SGCD: variants seen among roughly 807,000 people sequenced by gnomAD.
SGCD encodes delta-sarcoglycan.
Under a neutral mutation model 36.6 loss-of-function variants are expected in SGCD, and 18 were observed. That is an observed-to-expected ratio of 0.49 (90% CI 0.34 to 0.73). SGCD has a LOEUF of 0.73. SGCD is among the 30% of genes least tolerant of loss of function. SGCD has a pLI of 0.01. For synonymous variants in SGCD, 133 were observed against 130.6 expected (o/e 1.02, Z -0.12); for missense variants, 387 against 346.7 (o/e 1.12, Z -0.92).
At position 156,497,057 on chromosome 5, in the gene SGCD, G is replaced by A. The variant is rs145164734; in HGVS notation, c.193-11544G>A. On this transcript the variant is annotated intron_variant, in intron 3 of 8. Transcript: ENST00000337851. ...ATGAAGAGCATGAGCCTTAGAAAGC[G>A]TACCAGGAAGTGGTTGAAGCAGCAC... 3.7e-3 allele frequency among the ~76,000 whole-genome samples: 567 copies of A among 152,156 alleles called. 1 individual carries two copies. The highest frequency in any genetic ancestry group is 0.013 in the African/African-American group (519 of 41,514).
At chr5:156,131,940 A>G (rs972485549) in intron 3 of SGCD, among the ~76,000 whole-genome samples, 7 of 152,196 alleles carry the variant, frequency 4.6e-5, no homozygotes, top group Non-Finnish European at 1.0e-4. Context: ...TCTTTATTTT[A>G]TCTGTAGCTT....
At chr5:156,047,997 G>A (rs1051398761) in intron 1 of SGCD, among the ~76,000 whole-genome samples, 7 of 151,762 alleles carry the variant, frequency 4.6e-5, no homozygotes, top group East Asian at 1.9e-4. Context: ...AACAGGCCCC[G>A]GTGTGTGATG....
At chr5:156,590,748 C>T (rs1019630030) in intron 5 of SGCD, among the ~76,000 whole-genome samples, 1 of 135,598 alleles carries the variant, frequency 7.4e-6, no homozygotes, top group African/African-American at 2.5e-5. Context: ...CTCTTTTTTT[C>T]CCCCCACTCT....
At chr5:156,736,605 G>A (rs973234341) in intron 7 of SGCD, among the ~76,000 whole-genome samples, 2 of 152,088 alleles carry the variant, frequency 1.3e-5, no homozygotes, top group Non-Finnish European at 2.9e-5. Context: ...AGGCTACTTT[G>A]AAGCCAGATA....
At chr5:155,813,949 G>A in the SGCD span, among the ~76,000 whole-genome samples, 118 of 152,216 alleles carry the variant, frequency 7.8e-4, no homozygotes, top group Middle Eastern at 3.4e-3. Flanking sequence ...TCAGCCCTCC[G>A]GTAAACATTG....
In SGCD at chr5:156,365,033, G is replaced by C. The variant is rs142704993; in HGVS notation, c.192+20356G>C. ...CTGTACACTTCTACAATGGAGAGAA[G>C]TTTAAAAAGGGACTTCTGATTTAAA... On this transcript the variant is annotated intron_variant, in intron 3 of 8. Transcript: ENST00000337851. Among the ~76,000 whole-genome samples, 44 of 152,296 alleles carry C rather than the reference G, an allele frequency of 2.9e-4. 1 individual carries two copies. In the East Asian group the frequency reaches 5.6e-3, roughly 19 times the overall value.
chr5:156,725,808 C>T (rs1198146775), intron 7 of SGCD, among the ~76,000 whole-genome samples: 5 of 152,208 alleles, frequency 3.3e-5, no homozygotes, highest in South Asian at 4.1e-4. Flanking sequence ...ACTAACGTGT[C>T]TGCACACAAT....
At chr5:155,996,710 C>T (rs779457598) in intron 1 of SGCD, among the ~76,000 whole-genome samples, 9 of 147,614 alleles carry the variant, frequency 6.1e-5, no homozygotes, top group Non-Finnish European at 1.3e-4. Context: ...ACCTGGGAGG[C>T]AGAGGTTGCA....
At chr5:156,752,588 A>T (rs941713192) in intron 7 of SGCD, among the ~76,000 whole-genome samples, 2 of 152,062 alleles carry the variant, frequency 1.3e-5, no homozygotes, top group Non-Finnish European at 2.9e-5. Context: ...AGACGGGGTT[A>T]TCACCATGTT....
At chr5:156,212,445 T>G (rs545711772) in intron 3 of SGCD, among the ~76,000 whole-genome samples, 3 of 152,276 alleles carry the variant, frequency 2.0e-5, no homozygotes, top group African/African-American at 7.2e-5. Flanking sequence ...ATCAAGAGAT[T>G]ATAATAATTG....
intron 1 of SGCD, among the ~76,000 whole-genome samples, chr5:156,106,109 C>CAAAAA (rs1159337817): frequency 7.2e-3 from 252 of 34,940 alleles, no homozygotes; most frequent in Non-Finnish European, 9.1e-3. Flanking sequence ...GACTCTGCCT[C>CAAAAA]AAAAAAAAAA....
intron 6 of SGCD, among the ~76,000 whole-genome samples, chr5:156,628,260 AC>A (rs1762505494): frequency 6.6e-6 from 1 of 152,104 alleles, no homozygotes. Flanking sequence ...CTTTCACCAG[AC>A]CCTACCTCCA....
At chr5:155,734,647 T>G in the SGCD span, among the ~76,000 whole-genome samples, 1 of 152,238 alleles carries the variant, frequency 6.6e-6, no homozygotes, top group African/African-American at 2.4e-5. Context: ...CATTCTGGTT[T>G]GTATTTTTAA....
At chr5:155,904,685 A>C (rs1756463811) in intron 1 of SGCD, among the ~76,000 whole-genome samples, 1 of 152,170 alleles carries the variant, frequency 6.6e-6, no homozygotes, top group African/African-American at 2.4e-5. Context: ...GCCTGTTGAC[A>C]CTGGCCTCAC....
At chr5:156,454,946 G>A (rs1023986827) in intron 3 of SGCD, among the ~76,000 whole-genome samples, 5 of 152,042 alleles carry the variant, frequency 3.3e-5, no homozygotes, top group African/African-American at 1.2e-4. Context: ...CTGTGCATCA[G>A]GAAAAGACGA....
intron 7 of SGCD, among the ~76,000 whole-genome samples, chr5:156,683,205 A>G (rs1753786493): frequency 6.6e-6 from 1 of 152,210 alleles, no homozygotes; most frequent in Non-Finnish European, 1.5e-5. Context: ...AGGATTGTTC[A>G]TGCTGTAAGA....
intron 7 of SGCD, among the ~76,000 whole-genome samples, chr5:156,679,170 C>A (rs567559293): frequency 6.6e-6 from 1 of 152,300 alleles, no homozygotes; most frequent in African/African-American, 2.4e-5. Flanking sequence ...ATGCTTTTGA[C>A]AGATTGTGGC....
At chr5:156,030,807 A>C (rs1021174600) in intron 1 of SGCD, among the ~76,000 whole-genome samples, 2 of 152,244 alleles carry the variant, frequency 1.3e-5, no homozygotes, top group African/African-American at 4.8e-5. Flanking sequence ...AAGAAATTAC[A>C]TGTAGCTTTA....
chr5:156,433,359 G>A (rs1753105374), intron 3 of SGCD, among the ~76,000 whole-genome samples: 1 of 152,052 alleles, frequency 6.6e-6, no homozygotes, highest in African/African-American at 2.4e-5. Flanking sequence ...ATGCTCTACT[G>A]CCTTCCCCAA....
Sources: allele counts gnomAD v4.1 joint callset (sites outside exome capture counted in the v4.1 genomes callset), GRCh38; gene constraint gnomAD v4.1.1; transcripts MANE v1.5; gene names NCBI Gene and HGNC (gene_info 2026-07-23, HGNC 2026-07-21).